RPSA2: variants seen among roughly 807,000 people sequenced by gnomAD.
RPSA2 encodes the protein small ribosomal subunit protein uS2B.
At chr19:23,824,992 T>C in the RPSA2 span, among the ~76,000 whole-genome samples, 13 of 152,086 alleles carry the variant, frequency 8.5e-5, no homozygotes, top group African/African-American at 2.9e-4. Flanking sequence ...TGTTTTTGTT[T>C]TTTTTGAGAT....
chr19:23,838,017 T>G, the RPSA2 span, among the ~76,000 whole-genome samples: 2 of 152,188 alleles, frequency 1.3e-5, no homozygotes, highest in Non-Finnish European at 2.9e-5. Flanking sequence ...CCTTGTCTTG[T>G]TCCCATTTTC....
At chr19:23,832,675 A>T in the RPSA2 span, 2 of 1,491,856 alleles carry the variant, frequency 1.3e-6, no homozygotes, top group African/African-American at 2.8e-5. Context: ...ATGGTTCATT[A>T]CCCTAACTGG....
the RPSA2 span, among the ~76,000 whole-genome samples, chr19:23,787,177 G>A: frequency 6.6e-6 from 1 of 152,086 alleles, no homozygotes; most frequent in African/African-American, 2.4e-5. Flanking sequence ...TGACATCGCT[G>A]GGCCCTGCAT....
chr19:23,846,808 G>T, the RPSA2 span, among the ~76,000 whole-genome samples: 1 of 152,152 alleles, frequency 6.6e-6, no homozygotes, highest in African/African-American at 2.4e-5. Context: ...TTCACTTTGA[G>T]TTTAGATACT....
the RPSA2 span, among the ~76,000 whole-genome samples, chr19:23,830,704 C>T: frequency 6.6e-6 from 1 of 151,168 alleles, no homozygotes; most frequent in Non-Finnish European, 1.5e-5. Flanking sequence ...GTCTCTGTTC[C>T]TATTTTAATC....
chr19:23,810,433 T>G, the RPSA2 span, among the ~76,000 whole-genome samples: 6 of 14,374 alleles, frequency 4.2e-4, 3 homozygotes, highest in African/African-American at 8.3e-4. Flanking sequence ...GAAAAGGGCT[T>G]GGATAGTTGT....
At chr19:23,779,954 A>T in the RPSA2 span, among the ~76,000 whole-genome samples, 1 of 152,182 alleles carries the variant, frequency 6.6e-6, no homozygotes, top group Non-Finnish European at 1.5e-5. Context: ...AAGAAATTAC[A>T]TATCAGTGGC....
chr19:23,845,783 C>A, the RPSA2 span, among the ~76,000 whole-genome samples: 1 of 152,228 alleles, frequency 6.6e-6, no homozygotes, highest in Non-Finnish European at 1.5e-5. Flanking sequence ...TGAGCCACCA[C>A]CTCTGGCTGG....
At chr19:23,802,114 A>G in the RPSA2 span, among the ~76,000 whole-genome samples, 1 of 152,226 alleles carries the variant, frequency 6.6e-6, no homozygotes, top group Non-Finnish European at 1.5e-5. Context: ...TGAGATGTCC[A>G]CATAGACACT....
the RPSA2 span, among the ~76,000 whole-genome samples, chr19:23,864,139 C>A: frequency 1.3e-5 from 2 of 152,290 alleles, no homozygotes; most frequent in South Asian, 4.1e-4. Context: ...CAGCATAGAT[C>A]CCTATCTCAC....
chr19:23,867,830 A>AAC, the RPSA2 span, among the ~76,000 whole-genome samples: 2 of 4,916 alleles, frequency 4.1e-4, no homozygotes, highest in Non-Finnish European at 1.9e-3. Context: ...ACTCCGTCTC[A>AAC]AAAAAAAAAA....
chr19:23,868,338 T>C, the RPSA2 span, among the ~76,000 whole-genome samples: 1 of 152,190 alleles, frequency 6.6e-6, no homozygotes, highest in Non-Finnish European at 1.5e-5. Context: ...TGACACTGTC[T>C]GTCGCCGTTT....
chr19:23,787,796 A>C, the RPSA2 span, among the ~76,000 whole-genome samples: 1 of 152,158 alleles, frequency 6.6e-6, no homozygotes, highest in Non-Finnish European at 1.5e-5. Context: ...AATATTAATG[A>C]ACTAAGTACC....
At chr19:23,811,105 G>A in the RPSA2 span, among the ~76,000 whole-genome samples, 2 of 149,816 alleles carry the variant, frequency 1.3e-5, no homozygotes, top group Non-Finnish European at 3.0e-5. Flanking sequence ...TGCAACCTCC[G>A]GCTCCCAGGT....
the RPSA2 span, chr19:23,827,552 C>T: frequency 6.3e-7 from 1 of 1,595,334 alleles, no homozygotes; most frequent in Non-Finnish European, 8.5e-7. Flanking sequence ...CAGGGCTGAC[C>T]ACCAGCCTCT....
At chr19:23,844,392 G>T in the RPSA2 span, among the ~76,000 whole-genome samples, 1 of 151,832 alleles carries the variant, frequency 6.6e-6, no homozygotes, top group Admixed American at 6.6e-5. Flanking sequence ...TATTTTTTTG[G>T]GTAGATACCC....
At chr19:23,857,438 C>T in the RPSA2 span, among the ~76,000 whole-genome samples, 2 of 150,214 alleles carry the variant, frequency 1.3e-5, no homozygotes, top group African/African-American at 2.4e-5. Context: ...CTTCCCGCAA[C>T]ATCTTTGAGC....
At chr19:23,815,994 TG>T in the RPSA2 span, among the ~76,000 whole-genome samples, 6 of 139,030 alleles carry the variant, frequency 4.3e-5, no homozygotes, top group South Asian at 2.4e-4. Flanking sequence ...AAAATGTAGT[TG>T]TTTTTTTTTT....
At chr19:23,857,276 C>T in the RPSA2 span, among the ~76,000 whole-genome samples, 1 of 152,090 alleles carries the variant, frequency 6.6e-6, no homozygotes, top group African/African-American at 2.4e-5. Context: ...ACACCTTCAG[C>T]TTATGAAGAT....
Sources: allele counts gnomAD v4.1 joint callset (sites outside exome capture counted in the v4.1 genomes callset), GRCh38; gene constraint gnomAD v4.1.1; transcripts MANE v1.5; gene names NCBI Gene and HGNC (gene_info 2026-07-23, HGNC 2026-07-21).